The following FAM184B variants were observed in gnomAD, a reference collection of about 807,000 sequenced individuals.
FAM184B encodes protein FAM184B.
In FAM184B, 111 loss-of-function variants were observed where a neutral mutation model predicts 135.9. That is an observed-to-expected ratio of 0.82 (90% CI 0.70 to 0.96). FAM184B has a LOEUF of 0.96. Ranked by LOEUF, FAM184B falls within the 40% of genes least tolerant of loss-of-function variation. The probability of loss-of-function intolerance (pLI) is 0.00; values close to 1 mark genes in which losing one functional copy is unlikely to be tolerated. For synonymous variants in FAM184B, 552 were observed against 524.8 expected (o/e 1.05, Z -0.71); for missense variants, 1,375 against 1,323.9 (o/e 1.04, Z -0.60).
At chr4:17,689,978 A>G (rs1716691687) in intron 6 of FAM184B, among the ~76,000 whole-genome samples, 2 of 151,960 alleles carry the variant, frequency 1.3e-5, no homozygotes, top group South Asian at 2.1e-4. Context: ...GCGAAACCCC[A>G]TCTCTACTAA....
chr4:17,699,204 CCAAACTGAAACAG>C (rs1716930049), intron 5 of FAM184B, among the ~76,000 whole-genome samples: 1 of 24,030 alleles, frequency 4.2e-5, no homozygotes, highest in Non-Finnish European at 9.2e-5. Context: ...GAGAAATTAT[CCAAACTGAAACAG>C]AGAGACAAGG....
chr4:17,665,711 T>C (rs2108945160), intron 7 of FAM184B, among the ~76,000 whole-genome samples: 1 of 152,322 alleles, frequency 6.6e-6, no homozygotes, highest in Admixed American at 6.5e-5. Flanking sequence ...AAACTGCTTT[T>C]ATTGCCTTTC....
At chr4:17,663,286 TA>T (rs1402166455) in intron 8 of FAM184B, among the ~76,000 whole-genome samples, 1 of 152,098 alleles carries the variant, frequency 6.6e-6, no homozygotes, top group African/African-American at 2.4e-5. Context: ...TTTGTCCATT[TA>T]AAAAATAGGT....
At chr4:17,716,565 C>T (rs1352650382) in intron 1 of FAM184B, among the ~76,000 whole-genome samples, 4 of 151,908 alleles carry the variant, frequency 2.6e-5, no homozygotes, top group Admixed American at 6.6e-5. Flanking sequence ...AGGTTGGTCT[C>T]GAACTCCTGG....
chr4:17,770,436 A>AGTTGTT lies in FAM184B; in HGVS notation c.141+10717_141+10722dup, dbSNP rs10597477. On this transcript the variant is annotated intron_variant, in intron 1 of 17. Coordinates refer to ENST00000265018, the MANE Select transcript of FAM184B (RefSeq NM_015688.2). ...AGTCACCAGGACTTGCCTCAGAACT[A>AGTTGTT]GTTGTTGTTGTTGTTGTTGTTGTTG... 5.5e-3 allele frequency among the ~76,000 whole-genome samples: 524 copies of AGTTGTT among 94,984 alleles called. 3 individuals are homozygous for AGTTGTT. Among genetic ancestry groups the AGTTGTT allele is most frequent in the African/African-American group, 0.012 (370 of 29,954 alleles). The allele number at this position is 94,984 out of a possible 152,430, so 62.3% of individuals were successfully genotyped here.
At chr4:17,661,189 C>G (rs76133890) in intron 8 of FAM184B, among the ~76,000 whole-genome samples, 2,351 of 152,224 alleles carry the variant, frequency 0.015, 58 homozygotes, top group African/African-American at 0.054. Context: ...CTGCCTTTTC[C>G]ATAAGGATTA....
At chr4:17,770,875 A>G (rs990552207) in intron 1 of FAM184B, among the ~76,000 whole-genome samples, 2 of 152,258 alleles carry the variant, frequency 1.3e-5, no homozygotes, top group African/African-American at 2.4e-5. Context: ...CAAAAAGTGT[A>G]CAATTCAATG....
chr4:17,634,904 AT>A, intron 16 of FAM184B, 104 bp downstream of exon 16: 1 of 684,874 alleles, frequency 1.5e-6, no homozygotes, highest in Non-Finnish European at 2.3e-6. Flanking sequence ...TCCAATGAAT[AT>A]TTTTCTGAGC....
intron 1 of FAM184B, among the ~76,000 whole-genome samples, chr4:17,741,066 T>C (rs1718021989): frequency 6.6e-6 from 1 of 152,174 alleles, no homozygotes; most frequent in Non-Finnish European, 1.5e-5. Flanking sequence ...TTAGCAAATA[T>C]TTATTGAGTG....
chr4:17,675,759 A>T (rs1716298052), intron 7 of FAM184B, among the ~76,000 whole-genome samples: 1 of 152,184 alleles, frequency 6.6e-6, no homozygotes, highest in Non-Finnish European at 1.5e-5. Flanking sequence ...TGTTATAGAG[A>T]TGGCTTGTTT....
chr4:17,659,931 G>T, intron 9 of FAM184B, 27 bp downstream of exon 9: 4 of 1,549,078 alleles, frequency 2.6e-6, no homozygotes, highest in Non-Finnish European at 3.5e-6. Flanking sequence ...TCAGGAAGGG[G>T]GCACATCCCC....
chr4:17,723,901 T>C (rs1367862392), intron 1 of FAM184B, among the ~76,000 whole-genome samples: 1 of 152,142 alleles, frequency 6.6e-6, no homozygotes, highest in African/African-American at 2.4e-5. Flanking sequence ...TCGTGCCCTG[T>C]GGTTCCCTGT....
At chr4:17,646,643 T>C (rs903718134) in intron 12 of FAM184B, among the ~76,000 whole-genome samples, 3 of 151,990 alleles carry the variant, frequency 2.0e-5, no homozygotes, top group Non-Finnish European at 4.4e-5. Flanking sequence ...GACGAGTTAA[T>C]GGGTGCAGCA....
At chr4:17,690,837 C>G (rs1716716150) in intron 6 of FAM184B, among the ~76,000 whole-genome samples, 1 of 152,208 alleles carries the variant, frequency 6.6e-6, no homozygotes, top group Non-Finnish European at 1.5e-5. Flanking sequence ...GTAGGACCCA[C>G]AGGACTTGAC....
At chr4:17,780,721 C>T (rs1389858998) in intron 1 of FAM184B, among the ~76,000 whole-genome samples, 2 of 152,112 alleles carry the variant, frequency 1.3e-5, no homozygotes, top group Non-Finnish European at 2.9e-5. Context: ...AAGCTGCTGG[C>T]ACTCAACAAA....
Position 17,647,760 on chromosome 4 carries a change from T to C in FAM184B, c.2223A>G (p.Gln741=), listed in dbSNP as rs1214322675. The change falls in exon 12 of 18, where the codon CAA becomes CAG. Residue 741 remains glutamine (Q), a synonymous_variant. Transcript: ENST00000265018. ...CCTTCTGGTGCCCAGAACAGGCAGC[T>C]TGCTGCTCCGACAGCTCCTGTCTGA... ...ESLRQELSEQ[Q]AACSGHQKDL... is the part of the protein sequence containing the mutation. 1 of 1,550,764 alleles carries C rather than the reference T, an allele frequency of 6.4e-7. No individual in the cohort carries two copies. Among genetic ancestry groups the C allele is most frequent in the Non-Finnish European group, 8.7e-7 (1 of 1,146,960 alleles).
chr4:17,650,068 TTGTC>T (rs964061156), intron 11 of FAM184B, among the ~76,000 whole-genome samples: 2 of 116,548 alleles, frequency 1.7e-5, no homozygotes, highest in African/African-American at 5.9e-5. Flanking sequence ...ACATCTCCAT[TTGTC>T]TGTCTGTCCA....
chr4:17,764,721 T>C (rs1166151272), intron 1 of FAM184B, among the ~76,000 whole-genome samples: 1 of 152,184 alleles, frequency 6.6e-6, no homozygotes, highest in Non-Finnish European at 1.5e-5. Context: ...TCCTTGATCA[T>C]CCTAAAGATT....
At chr4:17,755,793 C>G (rs1718405312) in intron 1 of FAM184B, among the ~76,000 whole-genome samples, 1 of 152,146 alleles carries the variant, frequency 6.6e-6, no homozygotes, top group African/African-American at 2.4e-5. Context: ...TTATCCTCAG[C>G]AAACTAACGC....
Sources: gnomAD v4.1 joint callset for allele counts (sites outside exome capture counted in the v4.1 genomes callset) on GRCh38, gnomAD v4.1.1 for gene constraint, MANE v1.5 for transcripts, NCBI Gene and HGNC (gene_info 2026-07-23, HGNC 2026-07-21) for gene names.